Variants in INAVA observed in about 807,000 individuals in gnomAD.
INAVA encodes innate immunity activator protein.
In INAVA, 32 loss-of-function variants were observed where a neutral mutation model predicts 55.3. The observed-to-expected ratio is 0.58, with a 90% CI of 0.44 to 0.78. The LOEUF is 0.78. Among genes scored for constraint, INAVA ranks in the 30% least tolerant of loss-of-function variants. The pLI is 0.00. For missense variants in INAVA, 756 were observed against 786.4 expected (o/e 0.96, Z 0.46); for synonymous variants, 294 against 329.4 (o/e 0.89, Z 1.16).
chr1:200,900,214 C>A lies in INAVA; in HGVS notation c.291C>A (p.His97Gln). Residue 97 changes from histidine to glutamine, a missense_variant, in exon 4 of 10, where the codon CAC (histidine) becomes CAA (glutamine). Transcript: ENST00000413687. ...AAYKLDDWAL[H>Q]REDPLSSLER... is the part of the protein sequence containing the mutation. ...ACAAACTGGATGACTGGGCCTTGCA[C>A]AGAGAGGTGAGGAACCTCAGGAAGC... The A allele has an allele frequency of 6.2e-7, 1 of 1,613,814 alleles. No homozygotes were observed. Among genetic ancestry groups the A allele is most frequent in the Non-Finnish European group, 8.5e-7 (1 of 1,179,732 alleles).
chr1:200,892,932 C>T (rs1450262277), upstream of INAVA, among the ~76,000 whole-genome samples: 1 of 152,194 alleles, frequency 6.6e-6, no homozygotes, highest in Non-Finnish European at 1.5e-5. Context: ...TCTGTACTAA[C>T]CTCCCCTGAA....
intron 5 of INAVA, 72 bp downstream of exon 5, chr1:200,901,231 G>T (rs956856211): frequency 4.0e-5 from 54 of 1,362,138 alleles, no homozygotes; most frequent in Non-Finnish European, 5.0e-5. Context: ...GCACAGCCCC[G>T]TGCCACTGCC....
chr1:200,898,310 G>A lies in INAVA; in HGVS notation c.-91G>A. On this transcript the variant is annotated 5_prime_UTR_variant, in exon 2 of 10. Coordinates refer to ENST00000413687, the MANE Select transcript of INAVA (RefSeq NM_001142569.3). Reference sequence around the variant, plus strand: ...TTGTTCTCTTTTCTCTTTAAAGCTGGGGAAGCTCCAGGCTACCTACACAAC... The same window carrying A: ...TTGTTCTCTTTTCTCTTTAAAGCTGAGGAAGCTCCAGGCTACCTACACAAC... 6.2e-7 allele frequency: 1 copy of A among 1,609,022 alleles called. No homozygotes were observed. The highest frequency in any genetic ancestry group is 8.5e-7 in the Non-Finnish European group (1 of 1,178,694).
At position 200,909,372 on chromosome 1, in the gene INAVA, A is replaced by G; in HGVS notation, c.934A>G (p.Arg312Gly). 6.2e-7 allele frequency: 1 copy of G among 1,605,156 alleles called. No individual in the cohort carries two copies. The highest frequency in any genetic ancestry group is 8.5e-7 in the Non-Finnish European group (1 of 1,174,826). Residue 312 changes from arginine to glycine, a missense_variant, in exon 8 of 10, where the codon AGG becomes GGG. Transcript: ENST00000413687. ...SAPATPEIQGRRGQSQSLRVD... is the reference protein window; with the variant it reads ...SAPATPEIQGGRGQSQSLRVD... Reference sequence around the variant, plus strand: ...CCCAGCCACCCCTGAGATACAGGGGAGGAGGGGCCAGTCGCAGTCTCTGAG... The same window carrying G: ...CCCAGCCACCCCTGAGATACAGGGGGGGAGGGGCCAGTCGCAGTCTCTGAG...
upstream of INAVA, chr1:200,894,738 G>A (rs996712528): frequency 3.1e-6 from 3 of 955,120 alleles, no homozygotes; most frequent in Non-Finnish European, 3.7e-6. Context: ...ATTCCTCCAT[G>A]GGAGCCCCTT....
rs527424231 is a variant in INAVA at position 200,898,985 on chromosome 1, A to T, written c.56-488A>T. 5.3e-5 allele frequency among the ~76,000 whole-genome samples: 8 copies of T among 152,314 alleles called. No individual in the cohort carries two copies. The East Asian group carries it at 1.2e-3, about 22-fold the overall frequency. On this transcript the variant is annotated intron_variant, in intron 2 of 9. Coordinates refer to ENST00000413687, the MANE Select transcript of INAVA (RefSeq NM_001142569.3). ...CAGGGCAAGACTCCGTCTCAAAAAA[A>T]ATATATCATCTGGCCAATGTGAAGG... is the stretch of plus-strand genomic sequence containing the variant.
chr1:200,899,142 G>T (rs147739175), intron 2 of INAVA, among the ~76,000 whole-genome samples: 1 of 150,536 alleles, frequency 6.6e-6, no homozygotes, highest in African/African-American at 2.5e-5. Context: ...GAGACAGGAA[G>T]AAGAAGGAGA....
At chr1:200,900,883 TG>T in intron 4 of INAVA, 53 bp from the exon 5 acceptor site, 11 of 1,401,440 alleles carry the variant, frequency 7.8e-6, no homozygotes. Context: ...GTCCACCCTC[TG>T]GGCCCCCAAT....
intron 1 of INAVA, among the ~76,000 whole-genome samples, chr1:200,895,427 C>T (rs947021674): frequency 3.3e-5 from 5 of 152,084 alleles, no homozygotes; most frequent in African/African-American, 1.2e-4. Context: ...CCCTCTGTGC[C>T]CCTTCTGGTC....
chr1:200,899,478 G>T lies in INAVA; in HGVS notation c.61G>T (p.Asp21Tyr). Residue 21 changes from aspartate (D) to tyrosine (Y), a missense_variant, in exon 3 of 10, where the codon GAC (aspartate) becomes TAC (tyrosine). Around this residue, in one of 2 missense-constraint regions of INAVA, gnomAD observed 639 missense variants for 624.3 expected, o/e 1.02. Coordinates refer to ENST00000413687, the MANE Select transcript of INAVA (RefSeq NM_001142569.3). ...DSGIILQSGP[D>Y]SPVSPMKELT... ...GTGCCCCCCAACCCTTGCAGGCCCC[G>T]ACAGCCCGGTCTCCCCAATGAAGGA... is the stretch of plus-strand genomic sequence containing the variant. 6.2e-7 allele frequency: 1 copy of T among 1,613,980 alleles called. No individual in the cohort carries two copies. Among genetic ancestry groups the T allele is most frequent in the Non-Finnish European group, 8.5e-7 (1 of 1,179,982 alleles).
At chr1:200,896,356 T>C (rs910309619) in intron 1 of INAVA, among the ~76,000 whole-genome samples, 1 of 7,830 alleles carries the variant, frequency 1.3e-4, no homozygotes, top group Non-Finnish European at 2.4e-4. Context: ...ATGGCTAGGG[T>C]GGGTGGGAAG....
rs754224822 is a variant in INAVA at position 200,913,576 on chromosome 1, G to A, written c.1684G>A (p.Ala562Thr). 1 of 1,614,114 alleles carries A rather than the reference G, an allele frequency of 6.2e-7. No individual in the cohort carries two copies. Among genetic ancestry groups the A allele is most frequent in the South Asian group, 1.1e-5 (1 of 91,080 alleles). Reference protein sequence around the residue: ...VCVLRRSPDGAPVQVFVPEKG... With the variant: ...VCVLRRSPDGTPVQVFVPEKG... Reference sequence around the variant, plus strand: ...TGTGCTGCGGAGATCGCCTGATGGGGCCCCTGTGCAAGTCTTTGTACCTGA... The same window carrying A: ...TGTGCTGCGGAGATCGCCTGATGGGACCCCTGTGCAAGTCTTTGTACCTGA... The change falls in exon 10 of 10, where the codon GCC (alanine) becomes ACC (threonine). Residue 562 changes from alanine to threonine, a missense_variant. Around this residue, in one of 2 missense-constraint regions of INAVA, gnomAD observed 117 missense variants for 162.1 expected, o/e 0.72. Coordinates refer to ENST00000413687, the MANE Select transcript of INAVA (RefSeq NM_001142569.3).
rs769447911 is a variant in INAVA at position 200,907,854 on chromosome 1, A to C, written c.541A>C (p.Ser181Arg). Residue 181 changes from serine (S) to arginine (R), a missense_variant, in exon 6 of 10, where the codon AGC becomes CGC. Ser to Arg is a moderately radical substitution (Grantham distance 110). Transcript: ENST00000413687. ...CGCAGAGCTCAGTGCCTCTGATGACAGCTCCCTGTCAGATGGGCTCCTCCT... is the reference window on the plus strand; with the variant it reads ...CGCAGAGCTCAGTGCCTCTGATGACCGCTCCCTGTCAGATGGGCTCCTCCT... ...LGRELSASDD[S>R]SLSDGLLLEE... 3.7e-6 allele frequency: 6 copies of C among 1,612,644 alleles called. No homozygotes were observed. Among genetic ancestry groups the C allele is most frequent in the Non-Finnish European group, 5.1e-6 (6 of 1,179,042 alleles).
At chr1:200,897,248 G>A (rs1198076041) in intron 1 of INAVA, among the ~76,000 whole-genome samples, 2 of 152,202 alleles carry the variant, frequency 1.3e-5, no homozygotes, top group Non-Finnish European at 1.5e-5. Flanking sequence ...GTCACTGCTT[G>A]CCCCTCTCCT....
chr1:200,910,577 T>C (rs1211190747), intron 8 of INAVA, among the ~76,000 whole-genome samples: 1 of 152,172 alleles, frequency 6.6e-6, no homozygotes, highest in Non-Finnish European at 1.5e-5. Flanking sequence ...CAATGGATTT[T>C]GTTTAATTTT....
chr1:200,909,368 G>T lies in INAVA; in HGVS notation c.930G>T (p.Gln310His). ...GTGCCCCAGCCACCCCTGAGATACAGGGGAGGAGGGGCCAGTCGCAGTCTC... is the reference window on the plus strand; with the variant it reads ...GTGCCCCAGCCACCCCTGAGATACATGGGAGGAGGGGCCAGTCGCAGTCTC... The part of the protein sequence containing the change: ...RTSAPATPEI[Q>H]GRRGQSQSLR... The change falls in exon 8 of 10, where the codon CAG becomes CAT. Residue 310 changes from glutamine to histidine, a missense_variant. By Grantham distance (24) the Gln-to-His change is conservative. Coordinates refer to ENST00000413687, the MANE Select transcript of INAVA (RefSeq NM_001142569.3). The T allele has an allele frequency of 6.2e-7, 1 of 1,606,716 alleles. No homozygotes were observed. Among genetic ancestry groups the T allele is most frequent in the Non-Finnish European group, 8.5e-7 (1 of 1,175,746 alleles).
intron 6 of INAVA, 183 bp from the exon 7 acceptor site, chr1:200,908,547 G>C (rs1653584197): frequency 1.9e-6 from 1 of 534,714 alleles, no homozygotes; most frequent in Non-Finnish European, 3.3e-6. Flanking sequence ...TGTGTGGGAA[G>C]AAGTAAGTCC....
chr1:200,911,410 T>C (rs1345616761), intron 8 of INAVA, 43 bp from the exon 9 acceptor site: 1 of 1,549,426 alleles, frequency 6.5e-7, no homozygotes, highest in South Asian at 1.2e-5. Context: ...CAGTGTGGAG[T>C]TTCTGCCCCC....
chr1:200,912,245 C>A, intron 9 of INAVA, 108 bp downstream of exon 9: 1 of 1,058,910 alleles, frequency 9.4e-7, no homozygotes, highest in Non-Finnish European at 1.3e-6. Flanking sequence ...AAGCAGCAAC[C>A]TAGTGGCCGG....
Sources: gnomAD v4.1 joint callset for allele counts (sites outside exome capture counted in the v4.1 genomes callset) on GRCh38, gnomAD v4.1.1 for gene constraint, gnomAD v4.1.1 regional missense constraint, MANE v1.5 for transcripts, NCBI Gene and HGNC (gene_info 2026-07-23, HGNC 2026-07-21) for gene names.